CTNNA3: variants seen among roughly 807,000 people sequenced by gnomAD.
CTNNA3 encodes catenin alpha-3.
Under a neutral mutation model 95.7 loss-of-function variants are expected in CTNNA3, and 76 were observed. That is an observed-to-expected ratio of 0.79 (90% CI 0.66 to 0.96). CTNNA3 has a LOEUF of 0.96. CTNNA3 is among the 40% of genes least tolerant of loss of function. The pLI, the probability that CTNNA3 is intolerant of heterozygous loss-of-function variation, is 0.00. For missense variants in CTNNA3, 1,191 were observed against 1,089.8 expected (o/e 1.09, Z -1.31); for synonymous variants, 431 against 374.4 (o/e 1.15, Z -1.74).
intron 10 of CTNNA3, among the ~76,000 whole-genome samples, chr10:66,521,255 G>GT (rs564223520): frequency 3.9e-5 from 6 of 151,900 alleles, no homozygotes; most frequent in Non-Finnish European, 8.8e-5. Flanking sequence ...TGCAGAGTGA[G>GT]TTTTTTAAAT....
At chr10:67,742,669 A>G (rs1197473879) in intron 1 of CTNNA3, among the ~76,000 whole-genome samples, 1 of 148,602 alleles carries the variant, frequency 6.7e-6, no homozygotes, top group Non-Finnish European at 1.5e-5. Flanking sequence ...AACTGAAGGA[A>G]ATAGAGACAC....
rs1052415352 is a variant in CTNNA3 at position 65,968,184 on chromosome 10, A to G, written c.2266-1438T>C. On this transcript the variant is annotated intron_variant, in intron 16 of 17. Transcript: ENST00000433211. ...ACAGGAAAATCCTTTGAGCCTAGGA[A>G]TTTGAGACCAGCCTGGGGAACATAG... 5.6e-4 allele frequency among the ~76,000 whole-genome samples: 85 copies of G among 152,158 alleles called. 1 individual carries two copies. Among genetic ancestry groups the G allele is most frequent in the African/African-American group, 2.0e-3 (83 of 41,512 alleles).
intron 11 of CTNNA3, among the ~76,000 whole-genome samples, chr10:66,444,728 A>T (rs1454069386): frequency 1.3e-5 from 2 of 152,160 alleles, no homozygotes; most frequent in East Asian, 1.9e-4. Flanking sequence ...ACATACCAAA[A>T]TGTAAAGACC....
intron 15 of CTNNA3, among the ~76,000 whole-genome samples, chr10:66,027,436 C>T (rs2079364019): frequency 6.6e-6 from 1 of 152,096 alleles, no homozygotes; most frequent in South Asian, 2.1e-4. Context: ...ATGTCTGTCT[C>T]TCCCTGTGCT....
At chr10:67,318,869 A>T (rs1173297856) in intron 5 of CTNNA3, among the ~76,000 whole-genome samples, 1 of 152,204 alleles carries the variant, frequency 6.6e-6, no homozygotes, top group Admixed American at 6.5e-5. Context: ...TTCACAAAAA[A>T]CTTAACATAG....
At chr10:66,787,240 G>C (rs1342883170) in intron 7 of CTNNA3, among the ~76,000 whole-genome samples, 1 of 151,588 alleles carries the variant, frequency 6.6e-6, no homozygotes. Context: ...AAACAGATGT[G>C]TTGATGTCTC....
chr10:66,532,579 A>G (rs1841508353), intron 10 of CTNNA3, among the ~76,000 whole-genome samples: 1 of 152,204 alleles, frequency 6.6e-6, no homozygotes, highest in Non-Finnish European at 1.5e-5. Flanking sequence ...TTCACATAAC[A>G]TTAAGAAATT....
At chr10:67,239,883 G>C (rs903083706) in intron 5 of CTNNA3, among the ~76,000 whole-genome samples, 3 of 152,034 alleles carry the variant, frequency 2.0e-5, no homozygotes, top group Admixed American at 2.0e-4. Context: ...AAAAAAGTCT[G>C]AAATATAAAA....
chr10:67,459,890 T>G (rs1847312580), intron 5 of CTNNA3, among the ~76,000 whole-genome samples: 1 of 152,184 alleles, frequency 6.6e-6, no homozygotes, highest in South Asian at 2.1e-4. Flanking sequence ...AAACCAAGCA[T>G]GCTCCAAAGT....
intron 7 of CTNNA3, among the ~76,000 whole-genome samples, chr10:67,126,167 AAT>A (rs1859711960): frequency 6.6e-6 from 1 of 152,208 alleles, no homozygotes; most frequent in Admixed American, 6.5e-5. Flanking sequence ...GACAGCTTAA[AAT>A]AGTAAGGAAT....
At chr10:65,995,727 G>C (rs1007583670) in intron 15 of CTNNA3, among the ~76,000 whole-genome samples, 4 of 152,206 alleles carry the variant, frequency 2.6e-5, no homozygotes, top group African/African-American at 9.6e-5. Flanking sequence ...TCTGTGACAG[G>C]ACAACCCCAT....
At chr10:67,636,778 C>T (rs1373515750) in intron 2 of CTNNA3, among the ~76,000 whole-genome samples, 1 of 152,152 alleles carries the variant, frequency 6.6e-6, no homozygotes, top group Non-Finnish European at 1.5e-5. Flanking sequence ...CTCCAGCAAA[C>T]TCCAACAGAC....
chr10:66,549,193 A>C (rs886385550), intron 10 of CTNNA3, among the ~76,000 whole-genome samples: 5 of 151,550 alleles, frequency 3.3e-5, no homozygotes, highest in Admixed American at 6.6e-5. Flanking sequence ...ATAGGGTTTC[A>C]CCTTGTTAGC....
chr10:66,475,594 CA>C (rs1839294847), intron 11 of CTNNA3, among the ~76,000 whole-genome samples: 2 of 151,778 alleles, frequency 1.3e-5, no homozygotes, highest in African/African-American at 2.4e-5. Context: ...TTCATGTGGC[CA>C]AAAAACATAT....
intron 9 of CTNNA3, among the ~76,000 whole-genome samples, chr10:66,680,986 T>A (rs7072863): frequency 6.6e-6 from 1 of 151,876 alleles, no homozygotes; most frequent in African/African-American, 2.4e-5. Flanking sequence ...TGAGATCATA[T>A]GTAGCCTTAA....
In CTNNA3 at chr10:65,920,422, C is replaced by T; in HGVS notation, c.2596G>A (p.Glu866Lys). The stretch of plus-strand genomic sequence containing the variant: ...CCTCGTCTGACAGCTGCACACGTTT[C>T]CTCTGGCTTCTCTCTTTTAATCAAG... ...KPLIKREKPE[E>K]TCAAVRRGSA... Residue 866 changes from glutamate to lysine, a missense_variant, in exon 18 of 18, where the codon GAA becomes AAA. Transcript: ENST00000433211. 6.2e-7 allele frequency: 1 copy of T among 1,614,096 alleles called. No homozygotes were observed. Among genetic ancestry groups the T allele is most frequent in the Non-Finnish European group, 8.5e-7 (1 of 1,180,016 alleles).
In CTNNA3 at chr10:67,399,130, G is replaced by T. The variant is rs541534420; in HGVS notation, c.579+122712C>A. Among the ~76,000 whole-genome samples, 16 of 152,194 alleles carry T rather than the reference G, an allele frequency of 1.1e-4. 1 individual carries two copies. Among genetic ancestry groups the T allele is most frequent in the East Asian group, 7.8e-4 (4 of 5,158 alleles). ...AAAGGGTGGGTCTTGCTGTCTCAGTGGGGGCAGAGGCAGAAGAGATGGAGG... is the reference window on the plus strand; with the variant it reads ...AAAGGGTGGGTCTTGCTGTCTCAGTTGGGGCAGAGGCAGAAGAGATGGAGG... On this transcript the variant is annotated intron_variant, in intron 5 of 17. Coordinates refer to ENST00000433211, the MANE Select transcript of CTNNA3 (RefSeq NM_013266.4).
At chr10:65,962,788 C>T (rs377711456) in intron 17 of CTNNA3, among the ~76,000 whole-genome samples, 17 of 148,434 alleles carry the variant, frequency 1.1e-4, no homozygotes, top group African/African-American at 3.5e-4. Context: ...CTCCCACTTA[C>T]GAGTGAGAAC....
chr10:66,233,493 CTTAT>C (rs2089694304), intron 13 of CTNNA3, among the ~76,000 whole-genome samples: 1 of 152,092 alleles, frequency 6.6e-6, no homozygotes, highest in Non-Finnish European at 1.5e-5. Context: ...AATCAGATAA[CTTAT>C]TTATGAGTGT....
Sources: gnomAD v4.1 joint callset for allele counts (sites outside exome capture counted in the v4.1 genomes callset) on GRCh38, gnomAD v4.1.1 for gene constraint, MANE v1.5 for transcripts, NCBI Gene and HGNC (gene_info 2026-07-23, HGNC 2026-07-21) for gene names.